LRRK1: variants seen among roughly 807,000 people sequenced by gnomAD.
LRRK1 encodes leucine rich repeat kinase 1.
A neutral mutation model predicts 209.1 loss-of-function variants in LRRK1; 113 were observed. That is an observed-to-expected ratio of 0.54 (90% CI 0.46 to 0.63). The LOEUF (loss-of-function observed/expected upper bound fraction) is 0.63, where lower values mean the gene tolerates loss of function less well. LRRK1 is among the 30% of genes least tolerant of loss of function. The pLI is 0.00. For missense variants in LRRK1, 2,284 were observed against 2,632.2 expected, an observed-to-expected ratio of 0.87 and a Z score of 2.89; for synonymous variants, 1,144 against 1,099.7, an observed-to-expected ratio of 1.04 and a Z score of -0.80.
chr15:101,004,981 A>T (rs183056575), intron 6 of LRRK1, among the ~76,000 whole-genome samples: 33 of 152,348 alleles, frequency 2.2e-4, no homozygotes, highest in East Asian at 1.3e-3. Context: ...CAAAGCCAAA[A>T]CCATAACCAG....
At chr15:101,036,676 G>A (rs1428557501) in intron 20 of LRRK1, among the ~76,000 whole-genome samples, 1 of 151,974 alleles carries the variant, frequency 6.6e-6, no homozygotes, top group Non-Finnish European at 1.5e-5. Flanking sequence ...ATATGTCCTT[G>A]CTTTTTCATG....
At chr15:100,934,451 C>T (rs2042259777) in intron 2 of LRRK1, among the ~76,000 whole-genome samples, 1 of 151,978 alleles carries the variant, frequency 6.6e-6, no homozygotes, top group Non-Finnish European at 1.5e-5. Flanking sequence ...GGAGTGTGGC[C>T]TCTGCCCTTA....
intron 2 of LRRK1, among the ~76,000 whole-genome samples, chr15:100,952,703 C>T (rs1459632150): frequency 5.0e-5 from 1 of 20,050 alleles, no homozygotes; most frequent in African/African-American, 7.8e-5. Context: ...GAAATGGTAT[C>T]AAATGCTTGT....
intron 2 of LRRK1, among the ~76,000 whole-genome samples, chr15:100,960,406 T>A (rs755407464): frequency 4.0e-5 from 6 of 151,764 alleles, no homozygotes; most frequent in Non-Finnish European, 5.9e-5. Context: ...CACAATCATC[T>A]TCCCCAAAAT....
rs200927450 is a variant in LRRK1 at position 101,065,429 on chromosome 15, C to T, written c.4992C>T (p.Asp1664=). The part of the protein sequence containing the change: ...VFPVVRGTPK[D]SCSYLCSHTA... ...CCGTGGTGCGGGGCACCCCAAAGGA[C>T]AGCTGCTCCTACCTGTGCTCACACA... The change falls in exon 32 of 34, where the codon GAC becomes GAT. Residue 1664 remains aspartate, a synonymous_variant. Coordinates refer to ENST00000388948, the MANE Select transcript of LRRK1 (RefSeq NM_024652.6). 3.4e-5 allele frequency: 55 copies of T among 1,614,068 alleles called. No homozygotes were observed. Among genetic ancestry groups the T allele is most frequent in the Non-Finnish European group, 4.6e-5 (54 of 1,180,054 alleles).
intron 4 of LRRK1, 200 bp from the exon 5 acceptor site, chr15:100,988,434 T>A (rs1298566692): frequency 1.6e-6 from 1 of 621,390 alleles, no homozygotes; most frequent in Non-Finnish European, 2.9e-6. Flanking sequence ...TCACTTAGGA[T>A]AATGACCTCC....
intron 2 of LRRK1, among the ~76,000 whole-genome samples, chr15:100,945,482 C>CTTTTTTTTTTTT (rs34038990): frequency 1.6e-5 from 1 of 63,572 alleles, no homozygotes; most frequent in Non-Finnish European, 2.9e-5. Flanking sequence ...TGCAGAGCCT[C>CTTTTTTTTTTTT]TTTTTTTTTT....
At chr15:101,057,704 A>C (rs2035890720) in intron 28 of LRRK1, among the ~76,000 whole-genome samples, 4 of 152,150 alleles carry the variant, frequency 2.6e-5, no homozygotes. Flanking sequence ...CAGCTTGGGC[A>C]ATATAGTGAG....
rs2036845290 is a variant in LRRK1 at position 101,072,658 on chromosome 15, C to T, written c.*3810C>T. ...TGAAAAAGGCCGGTCCTTGACTTAA[C>T]TGATGACATTATCTTATGAAATTCC... On this transcript the variant is annotated 3_prime_UTR_variant, in exon 34 of 34. Coordinates refer to ENST00000388948, the MANE Select transcript of LRRK1 (RefSeq NM_024652.6). 6.5e-6 allele frequency: 1 copy of T among 153,850 alleles called. No homozygotes were observed. The highest frequency in any genetic ancestry group is 2.0e-4 in the South Asian group (1 of 4,922). The allele number at this position is 153,850 out of a possible 1,614,324, so 9.5% of individuals were successfully genotyped here. A position where few individuals can be genotyped will look rare whatever the true frequency, so the allele number is the denominator to read the frequency against.
Position 100,934,626 on chromosome 15 carries a change from CAAAAAA to C in LRRK1, c.97+9918_97+9923del, listed in dbSNP as rs71151991. ...CCAACATGGCAAAACCCCATCTCTA[CAAAAAA>C]AAAAAAAAAAAAAAAAAAAATTAGC... is the stretch of plus-strand genomic sequence containing the variant. On this transcript the variant is annotated intron_variant, in intron 2 of 33. Coordinates refer to ENST00000388948, the MANE Select transcript of LRRK1 (RefSeq NM_024652.6). 7.4e-3 allele frequency among the ~76,000 whole-genome samples: 539 copies of C among 72,376 alleles called. 22 individuals carry two copies. In the East Asian group the frequency reaches 0.14, roughly 19 times the overall value. 47.5% of individuals were successfully genotyped at this position (72,376 alleles called of 152,430 possible). A position where few individuals can be genotyped will look rare whatever the true frequency, so the allele number is the denominator to read the frequency against.
intron 2 of LRRK1, among the ~76,000 whole-genome samples, chr15:100,972,637 AATC>A (rs1388989481): frequency 6.6e-6 from 1 of 151,902 alleles, no homozygotes; most frequent in Non-Finnish European, 1.5e-5. Context: ...ACTTGTAGAG[AATC>A]ATGTTTTTGG....
intron 2 of LRRK1, among the ~76,000 whole-genome samples, chr15:100,932,054 C>T (rs1596159419): frequency 6.6e-6 from 1 of 152,228 alleles, no homozygotes; most frequent in Admixed American, 6.5e-5. Flanking sequence ...GGCGCAACCT[C>T]GGCTCACTGC....
chr15:101,035,202 A>G (rs953746408), intron 20 of LRRK1, among the ~76,000 whole-genome samples: 1 of 151,902 alleles, frequency 6.6e-6, no homozygotes, highest in Non-Finnish European at 1.5e-5. Context: ...TTTAAATCCA[A>G]TGTTTTTTTG....
At chr15:100,968,723 CT>C (rs1567206195) in intron 2 of LRRK1, among the ~76,000 whole-genome samples, 1 of 17,930 alleles carries the variant, frequency 5.6e-5, no homozygotes. Flanking sequence ...TCCTTCCTCC[CT>C]TCCCTTCCCT....
At chr15:101,005,975 C>T (rs936321129) in intron 6 of LRRK1, among the ~76,000 whole-genome samples, 5 of 152,228 alleles carry the variant, frequency 3.3e-5, no homozygotes, top group Admixed American at 6.5e-5. Flanking sequence ...GGATCAGCAA[C>T]GGAGGCTAAA....
chr15:101,033,387 A>G (rs2034365354), intron 20 of LRRK1, among the ~76,000 whole-genome samples: 1 of 152,142 alleles, frequency 6.6e-6, no homozygotes, highest in Non-Finnish European at 1.5e-5. Flanking sequence ...TTCTAACTGT[A>G]TGTCTGTACC....
At chr15:100,950,640 AAGTT>A (rs891448728) in intron 2 of LRRK1, among the ~76,000 whole-genome samples, 53 of 152,262 alleles carry the variant, frequency 3.5e-4, no homozygotes, top group Non-Finnish European at 6.5e-4. Context: ...AATAGGTAGT[AAGTT>A]GGACTTCATC....
chr15:100,990,090 T>C (rs762973545), intron 6 of LRRK1, among the ~76,000 whole-genome samples: 3 of 152,212 alleles, frequency 2.0e-5, no homozygotes, highest in Non-Finnish European at 2.9e-5. Flanking sequence ...CCACATGCAA[T>C]GCTATAAAAA....
intron 32 of LRRK1, 74 bp downstream of exon 32, chr15:101,066,279 GC>G (rs2036527382): frequency 2.0e-6 from 3 of 1,510,378 alleles, no homozygotes; most frequent in African/African-American, 1.4e-5. Context: ...GCAAGGGGAA[GC>G]CCCCTGGCTT....
Sources: gnomAD v4.1 joint callset for allele counts (sites outside exome capture counted in the v4.1 genomes callset) on GRCh38, gnomAD v4.1.1 for gene constraint, MANE v1.5 for transcripts, NCBI Gene and HGNC (gene_info 2026-07-23, HGNC 2026-07-21) for gene names.